The following AIM2 variants were observed in gnomAD, a reference collection of about 807,000 sequenced individuals.
AIM2 encodes the protein interferon-inducible protein AIM2.
AIM2 carries 30 observed loss-of-function variants against 27.7 expected under a neutral mutation model. The observed-to-expected ratio is 1.08, with a 90% CI of 0.81 to 1.47. The LOEUF is 1.47. Ranked by LOEUF, AIM2 falls within the 40% of genes most tolerant of loss-of-function variation. The pLI is 0.00. For synonymous variants in AIM2, 141 were observed against 145.3 expected (o/e 0.97, Z 0.21); for missense variants, 358 against 411.3 (o/e 0.87, Z 1.12).
At chr1:159,089,757 TG>T (rs929623134) in intron 1 of AIM2, among the ~76,000 whole-genome samples, 1 of 152,180 alleles carries the variant, frequency 6.6e-6, no homozygotes, top group African/African-American at 2.4e-5. Flanking sequence ...AATATACACA[TG>T]GTTTCCTACG....
At chr1:159,144,595 G>A (rs1295390552), upstream of AIM2, among the ~76,000 whole-genome samples, 2 of 151,956 alleles carry the variant, frequency 1.3e-5, no homozygotes, top group South Asian at 2.1e-4. Flanking sequence ...TCATGTTTAC[G>A]TAAACTCTCT....
upstream of AIM2, among the ~76,000 whole-genome samples, chr1:159,079,100 GA>G (rs1297403271): frequency 1.3e-5 from 2 of 150,952 alleles, no homozygotes; most frequent in African/African-American, 4.9e-5. Flanking sequence ...AAAAAAAACA[GA>G]AAACAAATCA....
chr1:159,061,463 G>C (rs1025666727), downstream of AIM2, among the ~76,000 whole-genome samples: 2 of 151,904 alleles, frequency 1.3e-5, no homozygotes, highest in African/African-American at 4.8e-5. Flanking sequence ...CGCAATCTCA[G>C]CTCACTGCAA....
At chr1:159,127,210 GTTTAT>G (rs1647717154) in intron 1 of AIM2, among the ~76,000 whole-genome samples, 1 of 152,112 alleles carries the variant, frequency 6.6e-6, no homozygotes, top group African/African-American at 2.4e-5. Flanking sequence ...GATCCTGAGT[GTTTAT>G]TTTATTATTG....
chr1:159,135,677 G>A (rs1013647810), intron 1 of AIM2, among the ~76,000 whole-genome samples: 4 of 152,206 alleles, frequency 2.6e-5, no homozygotes, highest in East Asian at 1.9e-4. Context: ...CTAAGCAGTC[G>A]GATATTTTGG....
chr1:159,094,058 T>C (rs1265063259), intron 1 of AIM2, among the ~76,000 whole-genome samples: 6 of 152,058 alleles, frequency 3.9e-5, no homozygotes, highest in Admixed American at 3.9e-4. Context: ...TTATAAAAAT[T>C]TGTAAAAACT....
At chr1:159,087,478 T>A (rs942003855) in intron 1 of AIM2, among the ~76,000 whole-genome samples, 3 of 152,152 alleles carry the variant, frequency 2.0e-5, no homozygotes, top group African/African-American at 7.2e-5. Flanking sequence ...CCACCATTTA[T>A]ATTAATCAAT....
At position 159,073,232 on chromosome 1, in the gene AIM2, C is replaced by CATT. The variant is rs755648812; in HGVS notation, c.262+3_262+5dup. 16 of 1,613,950 alleles carry CATT rather than the reference C, an allele frequency of 9.9e-6. No individual in the cohort carries two copies. In the East Asian group the frequency reaches 3.3e-4, roughly 34 times the overall value. On this transcript the variant is annotated splice_donor_region_variant and intron_variant, in intron 2 of 5. Transcript: ENST00000368130. Reference sequence around the variant, plus strand: ...GGACGGGGCAGGTGTGGAACTCCCACATTACCTTTCTCCTTCTCCTCCTGA... The same window carrying CATT: ...GGACGGGGCAGGTGTGGAACTCCCACATTATTACCTTTCTCCTTCTCCTCCTGA...
chr1:159,107,953 C>G (rs1010599934), intron 1 of AIM2, among the ~76,000 whole-genome samples: 5 of 152,206 alleles, frequency 3.3e-5, no homozygotes, highest in Non-Finnish European at 5.9e-5. Context: ...GACAGATGCA[C>G]AGCAGAATTC....
intron 2 of AIM2, among the ~76,000 whole-genome samples, chr1:159,072,895 T>C (rs887831083): frequency 1.3e-5 from 2 of 152,206 alleles, no homozygotes; most frequent in African/African-American, 2.4e-5. Context: ...TTACATACTG[T>C]GTAAATGGAG....
At chr1:159,111,466 T>C (rs1570970515) in intron 1 of AIM2, among the ~76,000 whole-genome samples, 2 of 152,270 alleles carry the variant, frequency 1.3e-5, no homozygotes, top group East Asian at 1.9e-4. Flanking sequence ...GGGTTTCACC[T>C]CAATTAAAAA....
At chr1:159,124,824 T>C (rs1273805123) in intron 1 of AIM2, among the ~76,000 whole-genome samples, 1 of 152,218 alleles carries the variant, frequency 6.6e-6, no homozygotes, top group Non-Finnish European at 1.5e-5. Context: ...GTGATGACGT[T>C]GGAGGCAGCA....
At chr1:159,088,998 T>A (rs377713658) in intron 1 of AIM2, among the ~76,000 whole-genome samples, 1 of 152,220 alleles carries the variant, frequency 6.6e-6, no homozygotes, top group Non-Finnish European at 1.5e-5. Flanking sequence ...GGTATCTCCA[T>A]TTTCACATTT....
chr1:159,112,613 C>T (rs1449868396), intron 1 of AIM2, among the ~76,000 whole-genome samples: 2 of 152,146 alleles, frequency 1.3e-5, no homozygotes, highest in Non-Finnish European at 2.9e-5. Flanking sequence ...ATATACTCAA[C>T]AGGTCTATAA....
At chr1:159,125,311 G>C (rs183890164) in intron 1 of AIM2, among the ~76,000 whole-genome samples, 7 of 152,306 alleles carry the variant, frequency 4.6e-5, no homozygotes, top group Admixed American at 2.0e-4. Context: ...ATTAGCTGTA[G>C]AACAAGCTAA....
chr1:159,115,187 T>TA (rs1441201880), intron 1 of AIM2, among the ~76,000 whole-genome samples: 27 of 152,054 alleles, frequency 1.8e-4, no homozygotes, highest in Non-Finnish European at 3.1e-4. Context: ...TAAAAGAGGA[T>TA]ACAAACAAAT....
chr1:159,100,490 G>A (rs1657288741), intron 1 of AIM2, among the ~76,000 whole-genome samples: 1 of 152,192 alleles, frequency 6.6e-6, no homozygotes, highest in South Asian at 2.1e-4. Context: ...GGAACAATGG[G>A]TCAGTTGGAG....
intron 1 of AIM2, among the ~76,000 whole-genome samples, chr1:159,099,783 A>T (rs1657273039): frequency 6.6e-6 from 1 of 152,158 alleles, no homozygotes; most frequent in Non-Finnish European, 1.5e-5. Flanking sequence ...CTTGCCTGTA[A>T]AAACAAGATC....
chr1:159,136,942 C>A (rs902395242), intron 1 of AIM2, among the ~76,000 whole-genome samples: 23 of 152,180 alleles, frequency 1.5e-4, no homozygotes, highest in African/African-American at 5.6e-4. Context: ...TTGGGAATCA[C>A]CGTGCCACAG....
Sources: allele counts gnomAD v4.1 joint callset (sites outside exome capture counted in the v4.1 genomes callset), GRCh38; gene constraint gnomAD v4.1.1; transcripts MANE v1.5; gene names NCBI Gene and HGNC (gene_info 2026-07-23, HGNC 2026-07-21).